The following PLD1 variants were observed in gnomAD, a reference collection of about 807,000 sequenced individuals.
The protein encoded by PLD1 is phospholipase D1.
In PLD1, 112 loss-of-function variants were observed where a neutral mutation model predicts 137.1. The observed-to-expected ratio is 0.82, with a 90% CI of 0.70 to 0.96. PLD1 has a LOEUF of 0.96. Among genes scored for constraint, PLD1 ranks in the 40% least tolerant of loss-of-function variants. PLD1 has a pLI of 0.00. For synonymous variants in PLD1, 431 were observed against 454.7 expected, an observed-to-expected ratio of 0.95 and a Z score of 0.66; for missense variants, 1,321 against 1,342.0, an observed-to-expected ratio of 0.98 and a Z score of 0.24.
intron 23 of PLD1, among the ~76,000 whole-genome samples, chr3:171,635,731 T>A (rs1735046749): frequency 6.6e-6 from 1 of 152,048 alleles, no homozygotes; most frequent in Non-Finnish European, 1.5e-5. Context: ...TTCACTTCCT[T>A]GATAATGTTC....
At chr3:171,709,361 C>G (rs1716960325) in intron 10 of PLD1, among the ~76,000 whole-genome samples, 199 bp downstream of exon 10, 2 of 152,224 alleles carry the variant, frequency 1.3e-5, no homozygotes. Flanking sequence ...GCTAAGCTCA[C>G]TGTGAAAAAT....
intron 21 of PLD1, among the ~76,000 whole-genome samples, chr3:171,654,553 T>A (rs1737039454): frequency 6.6e-6 from 1 of 152,100 alleles, no homozygotes; most frequent in Non-Finnish European, 1.5e-5. Context: ...GATCTGAGAA[T>A]CTCCTCAGAA....
chr3:171,764,998 G>GAA (rs773108979), intron 1 of PLD1: 3 of 133,354 alleles, frequency 2.2e-5, no homozygotes, highest in South Asian at 2.7e-4. Context: ...AAGAAAGAAA[G>GAA]AAAGAAAGAG....
rs771883292 is a variant in PLD1 at position 171,686,744 on chromosome 3, T to C, written c.1808A>G (p.His603Arg). The C allele has an allele frequency of 1.9e-6, 3 of 1,609,812 alleles. No homozygotes were observed. The highest frequency in any genetic ancestry group is 1.1e-5 in the South Asian group (1 of 90,980). The change falls in exon 16 of 27, where the codon CAC becomes CGC. Residue 603 changes from histidine (H) to arginine (R), a missense_variant. Coordinates refer to ENST00000351298, the MANE Select transcript of PLD1 (RefSeq NM_002662.5). Reference protein sequence around the residue: ...HHNLIHGLKPHFKLFHPSSES... With the variant: ...HHNLIHGLKPRFKLFHPSSES... ...ACTGGACGGGTGAAAGAGTTTGAAG[T>C]GGGGTTTTAAACCATGGATTAAATT...
chr3:171,796,584 T>C (rs745989804), intron 1 of PLD1, among the ~76,000 whole-genome samples: 1 of 152,194 alleles, frequency 6.6e-6, no homozygotes, highest in African/African-American at 2.4e-5. Context: ...CCTCAAACCC[T>C]TAATTACAAT....
In PLD1 at chr3:171,662,090, T is replaced by A; in HGVS notation, c.2310A>T (p.Ile770=). 6.2e-7 allele frequency: 1 copy of A among 1,611,096 alleles called. No homozygotes were observed. Among genetic ancestry groups the A allele is most frequent in the Non-Finnish European group, 8.5e-7 (1 of 1,177,218 alleles). Residue 770 remains isoleucine, a synonymous_variant, in exon 20 of 27, where the codon ATA becomes ATT. Transcript: ENST00000351298. ...ESIHAAYVHV[I]ENSRHYIYIE... The stretch of plus-strand genomic sequence containing the variant: ...TATAGATATAGTGCCTGCTGTTCTC[T>A]ATCACATGGACGTAAGCGGCGTGGA...
intron 24 of PLD1, among the ~76,000 whole-genome samples, chr3:171,619,429 A>G (rs1328678040): frequency 1.3e-5 from 2 of 152,192 alleles, no homozygotes; most frequent in African/African-American, 4.8e-5. Flanking sequence ...AGGCCTTTGG[A>G]AAAGTCTCCT....
chr3:171,627,174 C>A (rs1211754696), intron 23 of PLD1, among the ~76,000 whole-genome samples: 1 of 151,900 alleles, frequency 6.6e-6, no homozygotes, highest in Admixed American at 6.6e-5. Flanking sequence ...ATCTACCAAG[C>A]AAATGGAAAA....
chr3:171,637,031 G>A (rs900242117), intron 23 of PLD1, among the ~76,000 whole-genome samples: 26 of 152,298 alleles, frequency 1.7e-4, no homozygotes, highest in African/African-American at 6.3e-4. Flanking sequence ...AGATGATTAT[G>A]TGTGGTTTTT....
chr3:171,794,932 G>A (rs1329292771), intron 1 of PLD1, among the ~76,000 whole-genome samples: 3 of 152,174 alleles, frequency 2.0e-5, no homozygotes, highest in Non-Finnish European at 4.4e-5. Context: ...ATTACTACTT[G>A]TAATTGTGTG....
At chr3:171,770,888 C>CAAAAA (rs34683994) in intron 1 of PLD1, among the ~76,000 whole-genome samples, 52 of 40,856 alleles carry the variant, frequency 1.3e-3, no homozygotes, top group African/African-American at 1.9e-3. Context: ...AACCCTATCT[C>CAAAAA]AAAAAAAAAA....
intron 19 of PLD1, among the ~76,000 whole-genome samples, chr3:171,666,880 C>T (rs1032109137): frequency 2.0e-5 from 3 of 152,180 alleles, no homozygotes; most frequent in Non-Finnish European, 2.9e-5. Context: ...TCATTTTCTT[C>T]GTGCTACGTC....
At chr3:171,662,328 T>C (rs1054751901) in intron 19 of PLD1, among the ~76,000 whole-genome samples, 158 bp from the exon 20 acceptor site, 18 of 152,074 alleles carry the variant, frequency 1.2e-4, no homozygotes, top group African/African-American at 3.9e-4. Context: ...GGGTGGGGAA[T>C]GCTGCTAAGG....
rs1404739937 is a variant in PLD1, at chr3:171,738,054, T to A, written c.-3A>T. ...CGTGGCTCGTTTTTCAGTGACATGTTAACTTTGGACAGAGTAAAAGCAAAG... is the reference window on the plus strand; with the variant it reads ...CGTGGCTCGTTTTTCAGTGACATGTAAACTTTGGACAGAGTAAAAGCAAAG... On this transcript the variant is annotated 5_prime_UTR_variant, in exon 2 of 27. Coordinates refer to ENST00000351298, the MANE Select transcript of PLD1 (RefSeq NM_002662.5). The A allele has an allele frequency of 6.2e-7, 1 of 1,611,982 alleles. No individual in the cohort carries two copies. The highest frequency in any genetic ancestry group is 2.2e-5 in the East Asian group (1 of 44,876).
At chr3:171,654,956 A>G (rs1268136195) in intron 21 of PLD1, among the ~76,000 whole-genome samples, 1 of 152,154 alleles carries the variant, frequency 6.6e-6, no homozygotes, top group Non-Finnish European at 1.5e-5. Flanking sequence ...AGTGAGAGGA[A>G]CTGAGAAATT....
intron 13 of PLD1, among the ~76,000 whole-genome samples, chr3:171,689,282 T>C (rs1714899633): frequency 1.3e-5 from 2 of 152,174 alleles, no homozygotes. Context: ...TATATTGATA[T>C]TTTATCAGTC....
intron 1 of PLD1, among the ~76,000 whole-genome samples, chr3:171,746,099 T>A (rs1720148830): frequency 6.6e-6 from 1 of 152,120 alleles, no homozygotes. Flanking sequence ...GAATTCTCAC[T>A]GGGCCTCAGC....
intron 1 of PLD1, among the ~76,000 whole-genome samples, chr3:171,797,733 G>GA: frequency 6.6e-6 from 1 of 152,214 alleles, no homozygotes; most frequent in East Asian, 1.9e-4. Context: ...CTAATAATAT[G>GA]AAAAAAGCTG....
chr3:171,629,622 G>A (rs1465776671), intron 23 of PLD1, among the ~76,000 whole-genome samples: 1 of 151,814 alleles, frequency 6.6e-6, no homozygotes, highest in African/African-American at 2.4e-5. Flanking sequence ...ATACTACAAG[G>A]CTACAGTAAC....
Sources: gnomAD v4.1 joint callset for allele counts (sites outside exome capture counted in the v4.1 genomes callset) on GRCh38, gnomAD v4.1.1 for gene constraint, MANE v1.5 for transcripts, NCBI Gene and HGNC (gene_info 2026-07-23, HGNC 2026-07-21) for gene names.